The following ZNF610 variants were observed in gnomAD, a reference collection of about 807,000 sequenced individuals.
ZNF610 encodes the protein zink finger protein.
In ZNF610, 14 loss-of-function variants were observed where a neutral mutation model predicts 14.1. The ratio of observed to expected loss-of-function variants is 0.99; its 90% confidence interval spans 0.65 to 1.55. ZNF610 has a LOEUF of 1.55. Ranked by LOEUF, ZNF610 falls within the 40% of genes most tolerant of loss-of-function variation. The pLI is 0.00. For synonymous variants in ZNF610, 185 were observed against 187.6 expected (o/e 0.99, Z 0.11); for missense variants, 530 against 558.0 (o/e 0.95, Z 0.51).
intron 1 of ZNF610, among the ~76,000 whole-genome samples, chr19:52,345,869 T>C: frequency 6.6e-6 from 1 of 151,214 alleles, no homozygotes; most frequent in East Asian, 1.9e-4. Flanking sequence ...CACGCCCAGC[T>C]AATTTTTTGT....
At chr19:52,353,176 G>T (rs971556154) in intron 3 of ZNF610, among the ~76,000 whole-genome samples, 2 of 152,206 alleles carry the variant, frequency 1.3e-5, no homozygotes, top group African/African-American at 4.8e-5. Flanking sequence ...CTGACCTCAG[G>T]TGATCCATCC....
chr19:52,339,192 T>G (rs568050712), intron 1 of ZNF610, among the ~76,000 whole-genome samples: 12 of 151,934 alleles, frequency 7.9e-5, no homozygotes, highest in Admixed American at 2.0e-4. Flanking sequence ...AAATAGAACA[T>G]ACAATCAGGT....
chr19:52,358,175 A>G (rs551628768), intron 5 of ZNF610, among the ~76,000 whole-genome samples: 6 of 152,260 alleles, frequency 3.9e-5, no homozygotes, highest in South Asian at 4.1e-4. Context: ...TTTAGGAACA[A>G]AGAATGCTTC....
At chr19:52,359,785 G>A (rs1202127737) in intron 5 of ZNF610, among the ~76,000 whole-genome samples, 1 of 152,146 alleles carries the variant, frequency 6.6e-6, no homozygotes, top group Admixed American at 6.5e-5. Flanking sequence ...TGAGGGCTCA[G>A]TGTCAAAGGC....
At chr19:52,361,380 A>C (rs1411718234) in intron 5 of ZNF610, among the ~76,000 whole-genome samples, 1 of 151,772 alleles carries the variant, frequency 6.6e-6, no homozygotes, top group Non-Finnish European at 1.5e-5. Context: ...GGGTTTCACC[A>C]TGGCCAAGCT....
chr19:52,358,251 T>C (rs1315061988), intron 5 of ZNF610, among the ~76,000 whole-genome samples: 3 of 152,184 alleles, frequency 2.0e-5, no homozygotes, highest in Non-Finnish European at 4.4e-5. Context: ...TGGCGCGATC[T>C]TGGCTCACTG....
At chr19:52,354,193 C>T (rs1331831116) in intron 4 of ZNF610, 58 bp from the exon 5 acceptor site, 47 of 1,598,900 alleles carry the variant, frequency 2.9e-5, no homozygotes, top group Non-Finnish European at 4.0e-5. Context: ...TACCTAAACA[C>T]AGGGTTTGGG....
At chr19:52,337,419 T>C (rs1368910588) in intron 1 of ZNF610, among the ~76,000 whole-genome samples, 1 of 150,886 alleles carries the variant, frequency 6.6e-6, no homozygotes, top group African/African-American at 2.4e-5. Flanking sequence ...AGAATGGAAA[T>C]TGGGGACAAT....
In ZNF610 at chr19:52,337,989, G is replaced by A. The variant is rs547079589; in HGVS notation, c.-258+1483G>A. Among the ~76,000 whole-genome samples the A allele has an allele frequency of 9.3e-4, 140 of 150,674 alleles. 2 individuals carry two copies. Among genetic ancestry groups the A allele is most frequent in the Non-Finnish European group, 1.8e-3 (121 of 68,012 alleles). ...CAATAGTGAACACCCAACACAGAAT[G>A]CCACATCTCTGGTCACCAAAATGTG... On this transcript the variant is annotated intron_variant, in intron 1 of 5. Coordinates refer to ENST00000403906, the MANE Select transcript of ZNF610 (RefSeq NM_001161425.2).
At chr19:52,360,081 GCT>G (rs1248669105) in intron 5 of ZNF610, among the ~76,000 whole-genome samples, 1 of 152,206 alleles carries the variant, frequency 6.6e-6, no homozygotes, top group Non-Finnish European at 1.5e-5. Flanking sequence ...CCATCTGGAA[GCT>G]CTCTAAATGC....
intron 1 of ZNF610, among the ~76,000 whole-genome samples, chr19:52,338,963 C>T (rs951748029): frequency 1.3e-5 from 2 of 152,048 alleles, no homozygotes; most frequent in Non-Finnish European, 2.9e-5. Context: ...ATTTATTGAT[C>T]ACTATCTCTA....
chr19:52,345,683 G>A (rs2122197402), intron 1 of ZNF610: 1 of 152,120 alleles, frequency 6.6e-6, no homozygotes, highest in South Asian at 2.1e-4. Flanking sequence ...ACCAATAGGT[G>A]TTTATTTATT....
intron 5 of ZNF610, among the ~76,000 whole-genome samples, chr19:52,363,127 C>T (rs75711711): frequency 0.2 from 28,754 of 141,734 alleles, 2,909 homozygotes; most frequent in East Asian, 0.26. Flanking sequence ...GTTCTATCCC[C>T]TTTTTTTTTT....
In ZNF610 at chr19:52,336,270, A is replaced by G. The variant is rs1984370973; in HGVS notation, c.-494A>G. The G allele has an allele frequency of 7.4e-6, 2 of 271,864 alleles. No individual in the cohort carries two copies. Among genetic ancestry groups the G allele is most frequent in the Non-Finnish European group, 1.4e-5 (2 of 143,224 alleles). 16.8% of individuals were successfully genotyped at this position (271,864 alleles called of 1,614,324 possible). ...AGACCCGGAAGCGGATCGCGTGGGTAGAAGGTCACACCGCAGCGCGTCAGT... is the reference window on the plus strand; with the variant it reads ...AGACCCGGAAGCGGATCGCGTGGGTGGAAGGTCACACCGCAGCGCGTCAGT... On this transcript the variant is annotated 5_prime_UTR_variant, in exon 1 of 6. Transcript: ENST00000403906.
At chr19:52,331,898 T>TAA (rs1984223063), upstream of ZNF610, among the ~76,000 whole-genome samples, 1 of 152,208 alleles carries the variant, frequency 6.6e-6, no homozygotes, top group Non-Finnish European at 1.5e-5. Flanking sequence ...TAGGTCCATG[T>TAA]GGGTTACAAG....
chr19:52,357,829 G>A (rs961484970), intron 5 of ZNF610, among the ~76,000 whole-genome samples: 1 of 151,946 alleles, frequency 6.6e-6, no homozygotes, highest in Non-Finnish European at 1.5e-5. Context: ...CAAATAGATA[G>A]AGAAGGATAA....
chr19:52,359,521 C>T (rs1041950498), intron 5 of ZNF610, among the ~76,000 whole-genome samples: 2 of 152,094 alleles, frequency 1.3e-5, no homozygotes, highest in African/African-American at 2.4e-5. Flanking sequence ...ATAGAAACCA[C>T]AGGTATGGAA....
chr19:52,331,913 G>A (rs189915044), upstream of ZNF610, among the ~76,000 whole-genome samples: 27 of 152,312 alleles, frequency 1.8e-4, no homozygotes, highest in Admixed American at 4.6e-4. Flanking sequence ...TACAAGTGGC[G>A]CCTGAACAGG....
At chr19:52,364,478 C>G (rs975845794) in intron 5 of ZNF610, among the ~76,000 whole-genome samples, 1 of 152,186 alleles carries the variant, frequency 6.6e-6, no homozygotes, top group Non-Finnish European at 1.5e-5. Flanking sequence ...GTACTAATTA[C>G]CTTCCTCAGC....
Sources: gnomAD v4.1 joint callset for allele counts (sites outside exome capture counted in the v4.1 genomes callset) on GRCh38, gnomAD v4.1.1 for gene constraint, MANE v1.5 for transcripts, NCBI Gene and HGNC (gene_info 2026-07-23, HGNC 2026-07-21) for gene names.